The following LYPD6B variants were observed in gnomAD, a reference collection of about 807,000 sequenced individuals.
The protein encoded by LYPD6B is LY6/PLAUR domain containing 6B, also known as ly6/PLAUR domain-containing protein 6B.
In LYPD6B, 17 loss-of-function variants were observed where a neutral mutation model predicts 22.8. The ratio of observed to expected loss-of-function variants is 0.75; its 90% CI spans 0.51 to 1.12. The LOEUF is 1.12. LYPD6B is among the 50% of genes most tolerant of loss of function. LYPD6B has a pLI of 0.00. For synonymous variants in LYPD6B, 106 were observed against 91.6 expected (o/e 1.16, Z -0.90); for missense variants, 221 against 258.3 (o/e 0.86, Z 0.99).
At chr2:149,208,462 C>G (rs780579346) in intron 5 of LYPD6B, 50 bp downstream of exon 5, 2 of 1,347,334 alleles carry the variant, frequency 1.5e-6, no homozygotes, top group South Asian at 1.2e-5. Context: ...TCATTTGAAT[C>G]TCTCCTGACT....
intron 1 of LYPD6B, among the ~76,000 whole-genome samples, chr2:149,093,931 T>A (rs1224210163): frequency 1.3e-5 from 2 of 152,230 alleles, no homozygotes; most frequent in Non-Finnish European, 2.9e-5. Context: ...CTCCTTTACA[T>A]CAATTTTGTC....
chr2:149,162,254 C>G (rs1387172338), intron 3 of LYPD6B, among the ~76,000 whole-genome samples: 1 of 152,174 alleles, frequency 6.6e-6, no homozygotes, highest in Non-Finnish European at 1.5e-5. Flanking sequence ...TTACTGTCTA[C>G]CAGGCAACAC....
At chr2:149,211,538 T>C (rs1693852278) in intron 5 of LYPD6B, among the ~76,000 whole-genome samples, 1 of 152,096 alleles carries the variant, frequency 6.6e-6, no homozygotes, top group African/African-American at 2.4e-5. Flanking sequence ...TGGCTGATAG[T>C]GCACACTCAG....
At chr2:149,166,788 T>C (rs2105909362) in intron 3 of LYPD6B, among the ~76,000 whole-genome samples, 1 of 152,172 alleles carries the variant, frequency 6.6e-6, no homozygotes, top group South Asian at 2.1e-4. Context: ...GAATCTGAGC[T>C]GGAAAATGGG....
intron 1 of LYPD6B, among the ~76,000 whole-genome samples, chr2:149,124,805 A>G (rs141945061): frequency 1.3e-5 from 2 of 152,144 alleles, no homozygotes; most frequent in African/African-American, 2.4e-5. Context: ...TTAGGTTCCA[A>G]TTGCAGTGTT....
rs535255129 is a variant in LYPD6B at position 149,203,712 on chromosome 2, G to A, written c.78-1541G>A. ...TGTTTTTTGAAACATACTCACAAAAGTGGTTGCTGTTTTATAACTCTGCTG... is the reference window on the plus strand; with the variant it reads ...TGTTTTTTGAAACATACTCACAAAAATGGTTGCTGTTTTATAACTCTGCTG... On this transcript the variant is annotated intron_variant, in intron 3 of 6. Coordinates refer to ENST00000409642, the MANE Select transcript of LYPD6B (RefSeq NM_177964.5). 4.3e-4 allele frequency among the ~76,000 whole-genome samples: 65 copies of A among 152,312 alleles called. 1 individual carries two copies. Among genetic ancestry groups the A allele is most frequent in the Non-Finnish European group, 7.5e-4 (51 of 68,030 alleles).
chr2:149,156,171 A>ATG (rs1559038375), intron 2 of LYPD6B, among the ~76,000 whole-genome samples: 17 of 151,818 alleles, frequency 1.1e-4, no homozygotes, highest in African/African-American at 1.4e-4. Flanking sequence ...AGAAGGGTGC[A>ATG]GAATGGTGTC....
At chr2:149,164,750 C>G (rs1057064154) in intron 3 of LYPD6B, among the ~76,000 whole-genome samples, 5 of 152,104 alleles carry the variant, frequency 3.3e-5, no homozygotes, top group African/African-American at 1.2e-4. Context: ...CTCACTGGCC[C>G]TAGGTGGGTG....
intron 1 of LYPD6B, among the ~76,000 whole-genome samples, chr2:149,082,852 C>A (rs534021087): frequency 7.2e-5 from 11 of 152,144 alleles, no homozygotes; most frequent in Non-Finnish European, 1.2e-4. Flanking sequence ...AGCTTGTCAG[C>A]GGAACCTGAC....
rs533583293 is a variant in LYPD6B, at chr2:149,214,967, G to A, written c.*257G>A. On this transcript the variant is annotated 3_prime_UTR_variant, in exon 7 of 7. Transcript: ENST00000409642. ...GGTCAAAGAGAGCTACGTTTGGGCAGTTCTGCAGAGAGGATCCTGGCAACT... is the reference window on the plus strand; with the variant it reads ...GGTCAAAGAGAGCTACGTTTGGGCAATTCTGCAGAGAGGATCCTGGCAACT... 2.1e-4 allele frequency: 102 copies of A among 490,056 alleles called. No individual in the cohort carries two copies. Among genetic ancestry groups the A allele is most frequent in the Non-Finnish European group, 3.4e-4 (92 of 271,014 alleles). 30.4% of individuals were successfully genotyped at this position (490,056 alleles called of 1,614,324 possible).
At chr2:149,059,286 C>T (rs760377921) in intron 1 of LYPD6B, among the ~76,000 whole-genome samples, 1 of 152,256 alleles carries the variant, frequency 6.6e-6, no homozygotes, top group African/African-American at 2.4e-5. Context: ...TCCTGTGCCA[C>T]ACACTTTCCT....
At chr2:149,120,375 A>ATTTT (rs1454444460) in intron 1 of LYPD6B, among the ~76,000 whole-genome samples, 20 of 30,706 alleles carry the variant, frequency 6.5e-4, no homozygotes, top group African/African-American at 1.7e-3. Flanking sequence ...ATATATATAT[A>ATTTT]TATATATATT....
At chr2:149,056,988 A>G (rs1353167288) in intron 1 of LYPD6B, among the ~76,000 whole-genome samples, 2 of 152,146 alleles carry the variant, frequency 1.3e-5, no homozygotes, top group East Asian at 1.9e-4. Context: ...AAATTTGTCA[A>G]TTCAGAGGAT....
chr2:149,142,596 T>C (rs1166011828), intron 2 of LYPD6B, among the ~76,000 whole-genome samples: 2 of 152,184 alleles, frequency 1.3e-5, no homozygotes, highest in Non-Finnish European at 2.9e-5. Context: ...CCACTTTCTT[T>C]TGTGTGTGTT....
intron 2 of LYPD6B, among the ~76,000 whole-genome samples, chr2:149,159,643 G>A (rs1476178970): frequency 1.3e-5 from 2 of 151,472 alleles, no homozygotes; most frequent in African/African-American, 4.9e-5. Flanking sequence ...GAGAGAGAGA[G>A]TAGGGGCAAG....
chr2:149,181,296 A>C (rs1291397544), intron 3 of LYPD6B, among the ~76,000 whole-genome samples: 4 of 152,174 alleles, frequency 2.6e-5, no homozygotes, highest in Non-Finnish European at 5.9e-5. Flanking sequence ...CGTATCTTAT[A>C]GGTTTTAAGC....
intron 3 of LYPD6B, among the ~76,000 whole-genome samples, chr2:149,174,225 ATT>A (rs1296358533): frequency 1.3e-5 from 2 of 152,196 alleles, no homozygotes; most frequent in Admixed American, 1.3e-4. Context: ...CTTTTTGCAC[ATT>A]GATTTTGCAT....
chr2:149,045,129 T>G (rs1338495182), intron 1 of LYPD6B, among the ~76,000 whole-genome samples: 2 of 152,086 alleles, frequency 1.3e-5, no homozygotes, highest in African/African-American at 4.8e-5. Flanking sequence ...GATTATCTAT[T>G]TCTTCTTGAT....
intron 1 of LYPD6B, among the ~76,000 whole-genome samples, chr2:149,040,329 G>A (rs1683021162): frequency 6.6e-6 from 1 of 151,604 alleles, no homozygotes; most frequent in African/African-American, 2.4e-5. Flanking sequence ...AGGTCCAAGC[G>A]ATTATCCTGC....
Sources: gnomAD v4.1 joint callset for allele counts (sites outside exome capture counted in the v4.1 genomes callset) on GRCh38, gnomAD v4.1.1 for gene constraint, MANE v1.5 for transcripts, NCBI Gene and HGNC (gene_info 2026-07-23, HGNC 2026-07-21) for gene names.